TMEM132C: variants seen among roughly 807,000 people sequenced by gnomAD.
TMEM132C encodes transmembrane protein 132C.
A neutral mutation model predicts 61.4 loss-of-function variants in TMEM132C; 29 were observed. That is an observed-to-expected ratio of 0.47 (90% CI 0.35 to 0.64). The LOEUF is 0.64. Ranked by LOEUF, TMEM132C falls within the 30% of genes least tolerant of loss-of-function variation. TMEM132C has a pLI of 0.00. For synonymous variants in TMEM132C, 656 were observed against 633.1 expected, an observed-to-expected ratio of 1.04 and a Z score of -0.54; for missense variants, 1,408 against 1,476.9, an observed-to-expected ratio of 0.95 and a Z score of 0.76.
chr12:128,539,885 C>T (rs1593092119), intron 2 of TMEM132C, among the ~76,000 whole-genome samples: 1 of 152,258 alleles, frequency 6.6e-6, no homozygotes. Context: ...GTGCTGATCA[C>T]ATAGTGGGCT....
At chr12:128,410,992 A>G (rs1043605472) in intron 1 of TMEM132C, among the ~76,000 whole-genome samples, 2 of 152,236 alleles carry the variant, frequency 1.3e-5, no homozygotes, top group African/African-American at 4.8e-5. Flanking sequence ...TAGGCCAATT[A>G]CTTCATAGAA....
At chr12:128,615,916 G>A (rs890190121) in intron 3 of TMEM132C, among the ~76,000 whole-genome samples, 4 of 152,208 alleles carry the variant, frequency 2.6e-5, no homozygotes, top group Non-Finnish European at 5.9e-5. Context: ...CACAGACACA[G>A]GTTACTGCTC....
chr12:128,617,645 G>A (rs1420937019), intron 4 of TMEM132C, among the ~76,000 whole-genome samples: 1 of 152,096 alleles, frequency 6.6e-6, no homozygotes, highest in African/African-American at 2.4e-5. Flanking sequence ...TGGGGCAGGT[G>A]TGGAATCAGG....
chr12:128,640,756 A>T (rs1254337005), intron 4 of TMEM132C, among the ~76,000 whole-genome samples: 1 of 152,146 alleles, frequency 6.6e-6, no homozygotes, highest in African/African-American at 2.4e-5. Flanking sequence ...GTGTAGTGAC[A>T]CAAACCTGTA....
intron 2 of TMEM132C, among the ~76,000 whole-genome samples, chr12:128,509,024 G>A (rs552374267): frequency 6.6e-6 from 1 of 152,306 alleles, no homozygotes; most frequent in East Asian, 1.9e-4. Flanking sequence ...GCCCAGGGCA[G>A]GGCCTCAGAA....
At chr12:128,504,809 AGGTGGGGGTGGG>A (rs982275818) in intron 2 of TMEM132C, among the ~76,000 whole-genome samples, 35 of 2,570 alleles carry the variant, frequency 0.014, no homozygotes, top group African/African-American at 0.066. Context: ...ACATGAATTT[AGGTGGGGGTGGG>A]GGTGGGGGTG....
At chr12:128,655,562 T>G (rs71464407) in intron 4 of TMEM132C, among the ~76,000 whole-genome samples, 1 of 151,708 alleles carries the variant, frequency 6.6e-6, no homozygotes, top group Non-Finnish European at 1.5e-5. Context: ...ATGCCTTGAA[T>G]TGGGAAAATG....
chr12:128,546,314 T>C (rs2009495), intron 3 of TMEM132C, among the ~76,000 whole-genome samples: 129,492 of 152,170 alleles, frequency 0.85, 55,324 homozygotes, highest in Middle Eastern at 0.93. Flanking sequence ...CTAATTAACC[T>C]GTAAGATTAG....
intron 3 of TMEM132C, among the ~76,000 whole-genome samples, chr12:128,561,367 CA>C (rs1384887116): frequency 2.0e-5 from 3 of 152,276 alleles, no homozygotes; most frequent in Admixed American, 1.3e-4. Context: ...TTGCAGGGAG[CA>C]GGAAAGCTCA....
chr12:128,538,793 A>T (rs1873631815), intron 2 of TMEM132C, among the ~76,000 whole-genome samples: 1 of 152,074 alleles, frequency 6.6e-6, no homozygotes, highest in Admixed American at 6.6e-5. Context: ...TTTCTCCCCC[A>T]CATAAGTGCC....
In TMEM132C at chr12:128,705,704, C is replaced by A. The variant is rs1003095535; in HGVS notation, c.2736C>A (p.Asp912Glu). The A allele has an allele frequency of 1.3e-5, 20 of 1,551,352 alleles. 1 individual carries two copies. Among genetic ancestry groups the A allele is most frequent in the Middle Eastern group, 3.3e-4 (2 of 6,014 alleles). Residue 912 changes from aspartate to glutamate, a missense_variant, in exon 9 of 9, where the codon GAC (aspartate) becomes GAA (glutamate). By Grantham distance (45) the Asp-to-Glu change is conservative. Transcript: ENST00000435159. ...PKAGSGLEEN[D>E]LVQTPRGLSD... is the part of the protein sequence containing the mutation. ...CCGGGAGTGGGCTGGAGGAAAACGA[C>A]CTGGTGCAGACTCCGCGGGGCCTGA...
At chr12:128,665,173 GCACA>G (rs138271807) in intron 4 of TMEM132C, among the ~76,000 whole-genome samples, 23 of 95,752 alleles carry the variant, frequency 2.4e-4, no homozygotes, top group Middle Eastern at 8.9e-3. Context: ...ACACAAACAG[GCACA>G]CACACACACA....
intron 1 of TMEM132C, among the ~76,000 whole-genome samples, chr12:128,302,505 G>T (rs1266561451): frequency 6.6e-6 from 1 of 152,156 alleles, no homozygotes; most frequent in Admixed American, 6.5e-5. Context: ...TTTGCATAGG[G>T]CACTAGCTTT....
At chr12:128,489,562 C>CATATATATATATATATATAT (rs10654008) in intron 2 of TMEM132C, among the ~76,000 whole-genome samples, 1,590 of 138,082 alleles carry the variant, frequency 0.012, 13 homozygotes, top group Non-Finnish European at 0.015. Flanking sequence ...TTTATATGCT[C>CATATATATATATATATATAT]ATATATATAT....
intron 1 of TMEM132C, among the ~76,000 whole-genome samples, chr12:128,383,876 A>C (rs966644446): frequency 6.6e-6 from 1 of 152,210 alleles, no homozygotes; most frequent in Admixed American, 6.5e-5. Flanking sequence ...CAGTCCTTCC[A>C]TATCAGGATA....
chr12:128,680,061 T>C (rs1954621909), intron 5 of TMEM132C, among the ~76,000 whole-genome samples: 1 of 151,980 alleles, frequency 6.6e-6, no homozygotes, highest in Non-Finnish European at 1.5e-5. Context: ...TGAAGGAGGA[T>C]GAAGAGTAAG....
intron 5 of TMEM132C, among the ~76,000 whole-genome samples, chr12:128,682,484 C>T (rs1954643408): frequency 6.6e-6 from 1 of 152,188 alleles, no homozygotes; most frequent in Non-Finnish European, 1.5e-5. Flanking sequence ...ACTCTCTGGG[C>T]GTCTCCCAGC....
rs73434678 is a variant in TMEM132C, at chr12:128,358,250, T to A, written c.86-56482T>A. Reference sequence around the variant, plus strand: ...GGTAGGTTTACAAAGTCTCCTTTGTTGAGAAAGAAAGATTCCTACATATGC... The same window carrying A: ...GGTAGGTTTACAAAGTCTCCTTTGTAGAGAAAGAAAGATTCCTACATATGC... On this transcript the variant is annotated intron_variant, in intron 1 of 8. Transcript: ENST00000435159. Among the ~76,000 whole-genome samples, 1,299 of 152,180 alleles carry A rather than the reference T, an allele frequency of 8.5e-3. 24 individuals are homozygous for A. The highest frequency in any genetic ancestry group is 0.029 in the African/African-American group (1,215 of 41,520).
chr12:128,618,346 C>T (rs1334096690), intron 4 of TMEM132C, among the ~76,000 whole-genome samples: 1 of 136,722 alleles, frequency 7.3e-6, no homozygotes, highest in Non-Finnish European at 1.6e-5. Context: ...GAAGTGATTA[C>T]TAATGTCTGT....
Sources: gnomAD v4.1 joint callset for allele counts (sites outside exome capture counted in the v4.1 genomes callset) on GRCh38, gnomAD v4.1.1 for gene constraint, MANE v1.5 for transcripts, NCBI Gene and HGNC (gene_info 2026-07-23, HGNC 2026-07-21) for gene names.